The following ADAMTS3 variants were observed in gnomAD, a reference collection of about 807,000 sequenced individuals.
ADAMTS3 encodes ADAM metallopeptidase with thrombospondin type 1 motif 3.
Under a neutral mutation model 129.0 loss-of-function variants are expected in ADAMTS3, and 73 were observed. That is an observed-to-expected ratio of 0.57 (90% confidence interval 0.47 to 0.69). The LOEUF (loss-of-function observed/expected upper bound fraction) is 0.69. Ranked by LOEUF, ADAMTS3 falls within the 30% of genes least tolerant of loss-of-function variation. The pLI is 0.00. For missense variants in ADAMTS3, 1,457 were observed against 1,514.5 expected (o/e 0.96, Z 0.63); for synonymous variants, 477 against 510.8 (o/e 0.93, Z 0.89).
intron 3 of ADAMTS3, among the ~76,000 whole-genome samples, chr4:72,520,735 GCTAT>G (rs1451151029): frequency 6.6e-6 from 1 of 152,114 alleles, no homozygotes; most frequent in Non-Finnish European, 1.5e-5. Context: ...TTTTCCAGGT[GCTAT>G]CTGTCACCCC....
chr4:72,349,413 G>T, intron 4 of ADAMTS3, among the ~76,000 whole-genome samples: 1 of 151,868 alleles, frequency 6.6e-6, no homozygotes, highest in Non-Finnish European at 1.5e-5. Context: ...TACACTAAGA[G>T]AATCTATATT....
chr4:72,530,750 T>G (rs1490764715), intron 3 of ADAMTS3, among the ~76,000 whole-genome samples: 6 of 32,026 alleles, frequency 1.9e-4, no homozygotes, highest in East Asian at 1.3e-3. Flanking sequence ...ATATATTATA[T>G]ATTATATATT....
In ADAMTS3 at chr4:72,391,730, G is replaced by A. The variant is rs375312808; in HGVS notation, c.661+23085C>T. On this transcript the variant is annotated intron_variant, in intron 4 of 21. Coordinates refer to ENST00000286657, the MANE Select transcript of ADAMTS3 (RefSeq NM_014243.3). ...GAAGCAGGACTAGAAAACCAGGGAA[G>A]TGTTCAATAGTGAAGGTTAAAAAAA... Among the ~76,000 whole-genome samples the A allele has an allele frequency of 2.0e-5, 3 of 152,028 alleles. No homozygotes were observed. In the East Asian group the frequency reaches 5.8e-4, roughly 29 times the overall value.
At chr4:72,345,893 ACTT>A (rs1720268595) in intron 4 of ADAMTS3, among the ~76,000 whole-genome samples, 1 of 152,066 alleles carries the variant, frequency 6.6e-6, no homozygotes, top group Non-Finnish European at 1.5e-5. Flanking sequence ...GCAGTAAAAA[ACTT>A]CTATGTCAGC....
At chr4:72,515,858 A>G (rs1252359444) in intron 3 of ADAMTS3, among the ~76,000 whole-genome samples, 1 of 152,080 alleles carries the variant, frequency 6.6e-6, no homozygotes, top group East Asian at 1.9e-4. Flanking sequence ...CCATTTGTCA[A>G]TTTTGGCTTT....
chr4:72,408,931 G>T (rs948350281), intron 4 of ADAMTS3, among the ~76,000 whole-genome samples: 1 of 152,018 alleles, frequency 6.6e-6, no homozygotes, highest in African/African-American at 2.4e-5. Flanking sequence ...TGGGGGCCTA[G>T]GGGAGGGATA....
chr4:72,352,954 G>C (rs1225025638), intron 4 of ADAMTS3, among the ~76,000 whole-genome samples: 4 of 152,038 alleles, frequency 2.6e-5, no homozygotes, highest in African/African-American at 7.2e-5. Flanking sequence ...TTGTAAACAG[G>C]CTTCAGGCCA....
At chr4:72,464,562 A>G (rs1718867961) in intron 3 of ADAMTS3, among the ~76,000 whole-genome samples, 1 of 152,044 alleles carries the variant, frequency 6.6e-6, no homozygotes, top group South Asian at 2.1e-4. Flanking sequence ...ACTAGCAAAC[A>G]TTTATTGAAC....
At chr4:72,389,213 T>A (rs1721522326) in intron 4 of ADAMTS3, among the ~76,000 whole-genome samples, 1 of 152,172 alleles carries the variant, frequency 6.6e-6, no homozygotes, top group South Asian at 2.1e-4. Flanking sequence ...GATAACAGCC[T>A]CAGGACTGTT....
chr4:72,443,754 A>AT (rs1718180321), intron 3 of ADAMTS3, among the ~76,000 whole-genome samples: 1 of 150,664 alleles, frequency 6.6e-6, no homozygotes, highest in African/African-American at 2.4e-5. Flanking sequence ...CTCCTTTTTC[A>AT]TGTTTTTACT....
intron 15 of ADAMTS3, among the ~76,000 whole-genome samples, chr4:72,307,684 TA>T (rs1189484574): frequency 6.6e-6 from 1 of 152,082 alleles, no homozygotes; most frequent in Non-Finnish European, 1.5e-5. Context: ...TCAATGAAAG[TA>T]AGACTAAGCA....
Position 72,318,681 on chromosome 4 carries a change from T to C in ADAMTS3, c.1376A>G (p.Asp459Gly). The C allele has an allele frequency of 6.2e-7, 1 of 1,613,644 alleles. No homozygotes were observed. Among genetic ancestry groups the C allele is most frequent in the Non-Finnish European group, 8.5e-7 (1 of 1,179,788 alleles). ...YIHSYDCLLDDPFDHDWPKLP... is the reference protein window; with the variant it reads ...YIHSYDCLLDGPFDHDWPKLP... Reference sequence around the variant, plus strand: ...TTTAGGCCAATCATGATCAAAAGGGTCATCAAGGAGACAGTCATAGGAACT... The same window carrying C: ...TTTAGGCCAATCATGATCAAAAGGGCCATCAAGGAGACAGTCATAGGAACT... Residue 459 changes from aspartate to glycine, a missense_variant, in exon 10 of 22, where the codon GAC becomes GGC. By Grantham distance (94) the Asp-to-Gly change is moderately conservative. Transcript: ENST00000286657.
At chr4:72,534,663 G>A (rs940210605) in intron 3 of ADAMTS3, among the ~76,000 whole-genome samples, 6 of 152,060 alleles carry the variant, frequency 3.9e-5, no homozygotes, top group Non-Finnish European at 5.9e-5. Context: ...TTTAAATAAC[G>A]TTCCACAAAT....
At chr4:72,429,595 G>A (rs1283211193) in intron 3 of ADAMTS3, among the ~76,000 whole-genome samples, 4 of 152,020 alleles carry the variant, frequency 2.6e-5, no homozygotes, top group African/African-American at 9.7e-5. Flanking sequence ...AAGGAGATTA[G>A]TGACTGATAA....
chr4:72,521,321 G>T (rs1720667054), intron 3 of ADAMTS3, among the ~76,000 whole-genome samples: 1 of 152,098 alleles, frequency 6.6e-6, no homozygotes, highest in African/African-American at 2.4e-5. Context: ...TTTATGTCAG[G>T]TAATCGAGGC....
chr4:72,516,407 A>G (rs997511504), intron 3 of ADAMTS3, among the ~76,000 whole-genome samples: 1 of 152,136 alleles, frequency 6.6e-6, no homozygotes, highest in East Asian at 1.9e-4. Context: ...ATGGCACCAA[A>G]TCTATAAATT....
chr4:72,316,615 G>A (rs998040785), intron 10 of ADAMTS3, among the ~76,000 whole-genome samples: 1 of 151,962 alleles, frequency 6.6e-6, no homozygotes, highest in African/African-American at 2.4e-5. Context: ...TGGAACCCAG[G>A]ATGTGGAGGT....
intron 3 of ADAMTS3, among the ~76,000 whole-genome samples, chr4:72,417,927 C>A (rs1174201216): frequency 5.5e-5 from 1 of 18,104 alleles, no homozygotes; most frequent in Non-Finnish European, 1.6e-4. Flanking sequence ...AGGGAGACTC[C>A]ATCTCAAAAA....
chr4:72,457,928 CAT>C, intron 3 of ADAMTS3, among the ~76,000 whole-genome samples: 1 of 151,580 alleles, frequency 6.6e-6, no homozygotes. Context: ...TGCTGTGACT[CAT>C]CTTTGGAGGG....
Sources: allele counts gnomAD v4.1 joint callset (sites outside exome capture counted in the v4.1 genomes callset), GRCh38; gene constraint gnomAD v4.1.1; transcripts MANE v1.5; gene names NCBI Gene and HGNC (gene_info 2026-07-23, HGNC 2026-07-21).